Variants in CATSPERE observed in about 807,000 individuals in gnomAD.
CATSPERE encodes the protein catsper channel auxiliary subunit epsilon.
In CATSPERE, 93 loss-of-function variants were observed where a neutral mutation model predicts 114.1. The observed-to-expected ratio is 0.81, with a 90% CI of 0.69 to 0.97. The LOEUF (loss-of-function observed/expected upper bound fraction) is 0.97, where lower values mean the gene tolerates loss of function less well. CATSPERE is among the 50% of genes least tolerant of loss of function. CATSPERE has a pLI of 0.00. For synonymous variants in CATSPERE, 341 were observed against 384.1 expected (o/e 0.89, Z 1.31); for missense variants, 1,058 against 1,131.6 (o/e 0.93, Z 0.93).
At chr1:244,530,291 A>G (rs942125944) in intron 8 of CATSPERE, among the ~76,000 whole-genome samples, 3 of 151,954 alleles carry the variant, frequency 2.0e-5, no homozygotes, top group Admixed American at 6.6e-5. Flanking sequence ...TCCCCAATAT[A>G]TGTGCTTACT....
chr1:244,462,507 A>C (rs1252239012), intron 1 of CATSPERE, among the ~76,000 whole-genome samples: 1 of 152,164 alleles, frequency 6.6e-6, no homozygotes, highest in African/African-American at 2.4e-5. Flanking sequence ...TCATCCTTTC[A>C]CTACCAGATC....
chr1:244,461,542 C>CGGCGGGGCAGGCG (rs1264766491), intron 1 of CATSPERE, 48 bp downstream of exon 1: 2 of 1,258,218 alleles, frequency 1.6e-6, no homozygotes, highest in East Asian at 6.3e-5. Flanking sequence ...GGATTACCCC[C>CGGCGGGGCAGGCG]GGCGGGGCAG....
At chr1:244,588,354 G>A in intron 13 of CATSPERE, 128 bp from the exon 14 acceptor site, 1 of 699,094 alleles carries the variant, frequency 1.4e-6, no homozygotes, top group Non-Finnish European at 2.6e-6. Flanking sequence ...GCAGAGCAGT[G>A]GTATAAGAGA....
chr1:244,515,433 T>C, intron 7 of CATSPERE: 1 of 427,938 alleles, frequency 2.3e-6, no homozygotes, highest in Non-Finnish European at 3.1e-6. Flanking sequence ...TTGAAGTGCT[T>C]CTCAGACAAC....
chr1:244,532,785 A>G (rs1400203153), intron 8 of CATSPERE, among the ~76,000 whole-genome samples: 2 of 152,114 alleles, frequency 1.3e-5, no homozygotes, highest in African/African-American at 2.4e-5. Context: ...TATATGGTCT[A>G]TCCTTGAGAA....
chr1:244,547,336 G>A (rs538733557), intron 8 of CATSPERE, among the ~76,000 whole-genome samples: 5 of 152,142 alleles, frequency 3.3e-5, no homozygotes, highest in East Asian at 3.9e-4. Flanking sequence ...GGAGTGCATT[G>A]AGCTGAAAGA....
At chr1:244,521,846 G>A (rs1677627516) in intron 8 of CATSPERE, among the ~76,000 whole-genome samples, 1 of 152,102 alleles carries the variant, frequency 6.6e-6, no homozygotes, top group Non-Finnish European at 1.5e-5. Flanking sequence ...AGCCTAATGA[G>A]ATCCATTTTA....
At chr1:244,479,227 G>A (rs548948441) in intron 4 of CATSPERE, among the ~76,000 whole-genome samples, 371 of 151,936 alleles carry the variant, frequency 2.4e-3, no homozygotes, top group African/African-American at 8.5e-3. Flanking sequence ...CGAAGTAGCT[G>A]GGATTACAGG....
In CATSPERE at chr1:244,477,593, C is replaced by T; in HGVS notation, c.167C>T (p.Thr56Ile). ...TTTACTGAGTGGAGTGTGCCAGAAA[C>T]TTGTTTTGTGCTAAATAAAAGGTAA... Reference protein sequence around the residue: ...TLFTEWSVPETCFVLNKSSPT... With the variant: ...TLFTEWSVPEICFVLNKSSPT... Residue 56 changes from threonine to isoleucine, a missense_variant, in exon 3 of 22, where the codon ACT becomes ATT. By Grantham distance (89) the Thr-to-Ile change is moderately conservative. Coordinates refer to ENST00000366534, the MANE Select transcript of CATSPERE (RefSeq NM_001130957.2). 1.3e-6 allele frequency: 2 copies of T among 1,597,164 alleles called. No homozygotes were observed. Among genetic ancestry groups the T allele is most frequent in the Admixed American group, 1.7e-5 (1 of 59,774 alleles).
At chr1:244,526,553 C>T (rs1344856785) in intron 8 of CATSPERE, among the ~76,000 whole-genome samples, 1 of 151,922 alleles carries the variant, frequency 6.6e-6, no homozygotes, top group Non-Finnish European at 1.5e-5. Context: ...CAATGGGAGG[C>T]TAGCAAGGAT....
intron 4 of CATSPERE, 104 bp downstream of exon 4, chr1:244,478,079 T>C: frequency 1.2e-6 from 1 of 808,952 alleles, no homozygotes; most frequent in South Asian, 1.9e-5. Flanking sequence ...TAATTTAACC[T>C]GTTTTAAATA....
intron 6 of CATSPERE, among the ~76,000 whole-genome samples, chr1:244,494,147 GC>G (rs1672695987): frequency 6.6e-6 from 1 of 152,050 alleles, no homozygotes; most frequent in Non-Finnish European, 1.5e-5. Context: ...AAAGACACAT[GC>G]ACACGTATGT....
At chr1:244,473,628 C>T (rs1393853259) in intron 2 of CATSPERE, among the ~76,000 whole-genome samples, 1 of 152,038 alleles carries the variant, frequency 6.6e-6, no homozygotes. Flanking sequence ...AATTTATCAA[C>T]CTTTTTTTTT....
At chr1:244,524,100 G>A (rs1305571389) in intron 8 of CATSPERE, among the ~76,000 whole-genome samples, 29 of 150,952 alleles carry the variant, frequency 1.9e-4, no homozygotes, top group South Asian at 4.2e-4. Flanking sequence ...CTACAAGGCT[G>A]CAGTAACCAA....
At chr1:244,581,083 T>C (rs1337103510) in intron 11 of CATSPERE, among the ~76,000 whole-genome samples, 8 of 151,790 alleles carry the variant, frequency 5.3e-5, no homozygotes, top group African/African-American at 1.9e-4. Context: ...CTAAGTAATA[T>C]AGCTAAGCTT....
chr1:244,545,019 C>T (rs959676018), intron 8 of CATSPERE, among the ~76,000 whole-genome samples: 1 of 152,166 alleles, frequency 6.6e-6, no homozygotes, highest in Admixed American at 6.5e-5. Flanking sequence ...TTGGAAGCAT[C>T]TTGGTCACCT....
At chr1:244,514,319 A>G (rs907867846) in intron 7 of CATSPERE, among the ~76,000 whole-genome samples, 5 of 152,180 alleles carry the variant, frequency 3.3e-5, no homozygotes, top group Non-Finnish European at 7.3e-5. Context: ...GTATGATTCC[A>G]TTTATAGAAC....
chr1:244,480,925 C>T (rs1026094957), intron 5 of CATSPERE, among the ~76,000 whole-genome samples: 2 of 152,140 alleles, frequency 1.3e-5, no homozygotes, highest in Admixed American at 6.5e-5. Flanking sequence ...CCCAGCTTTT[C>T]CTCTATGGGT....
At chr1:244,580,494 G>C (rs558874047) in intron 11 of CATSPERE, among the ~76,000 whole-genome samples, 13 of 152,002 alleles carry the variant, frequency 8.6e-5, no homozygotes, top group Non-Finnish European at 1.8e-4. Context: ...CTAATCATTT[G>C]TTTTTTAAAA....
Sources: gnomAD v4.1 joint callset for allele counts (sites outside exome capture counted in the v4.1 genomes callset) on GRCh38, gnomAD v4.1.1 for gene constraint, MANE v1.5 for transcripts, NCBI Gene and HGNC (gene_info 2026-07-23, HGNC 2026-07-21) for gene names.